The following NAALADL2 variants were observed in gnomAD, a reference collection of about 807,000 sequenced individuals.
NAALADL2 encodes N-acetylated alpha-linked acidic dipeptidase like 2, also known as inactive N-acetylated-alpha-linked acidic dipeptidase-like protein 2.
NAALADL2 carries 76 observed loss-of-function variants against 87.2 expected under a neutral mutation model. The observed-to-expected ratio is 0.87, with a 90% confidence interval of 0.72 to 1.05. The LOEUF (loss-of-function observed/expected upper bound fraction) is 1.05, where lower values mean the gene tolerates loss of function less well. Ranked by LOEUF, NAALADL2 falls within the 50% of genes least tolerant of loss-of-function variation. NAALADL2 has a pLI of 0.00. For missense variants in NAALADL2, 1,089 were observed against 945.8 expected (o/e 1.15, Z -1.99); for synonymous variants, 354 against 331.0 (o/e 1.07, Z -0.75).
intron 1 of NAALADL2, among the ~76,000 whole-genome samples, chr3:174,487,487 G>C (rs1717925990): frequency 6.6e-6 from 1 of 151,976 alleles, no homozygotes; most frequent in South Asian, 2.1e-4. Context: ...CACAAACCTA[G>C]AATACTTTGA....
chr3:175,123,175 A>G (rs1726400111), intron 2 of NAALADL2, among the ~76,000 whole-genome samples: 1 of 151,970 alleles, frequency 6.6e-6, no homozygotes, highest in South Asian at 2.1e-4. Flanking sequence ...TTTAAAAATT[A>G]CCTTTAAAAT....
At position 175,737,322 on chromosome 3, in the gene NAALADL2, T is replaced by C. The variant is rs761608108; in HGVS notation, c.1913T>C (p.Ile638Thr). The C allele has an allele frequency of 6.2e-7, 1 of 1,607,900 alleles. No individual in the cohort carries two copies. Among genetic ancestry groups the C allele is most frequent in the Non-Finnish European group, 8.5e-7 (1 of 1,174,592 alleles). ...ETITKLSGEVILQIANEPVLP... is the reference protein window; with the variant it reads ...ETITKLSGEVTLQIANEPVLP... ...TTCTTTCAGCTCTCAGGAGAAGTGA[T>C]TTTGCAAATTGCCAACGAACCTGTT... is the stretch of plus-strand genomic sequence containing the variant. Residue 638 changes from isoleucine (I) to threonine (T), a missense_variant, in exon 12 of 14, where the codon ATT becomes ACT. Physicochemically the swap from Ile to Thr is moderately conservative, Grantham distance 89. Transcript: ENST00000454872.
chr3:175,744,204 A>G (rs1035585030), intron 12 of NAALADL2, among the ~76,000 whole-genome samples: 1 of 152,216 alleles, frequency 6.6e-6, no homozygotes, highest in African/African-American at 2.4e-5. Context: ...CACAGGAGGA[A>G]CAAAACAAAA....
At position 175,473,567 on chromosome 3, in the gene NAALADL2, TTAA is replaced by T. The variant is rs892310403; in HGVS notation, c.1653+1812_1653+1814del. ...ATTTTATGGAATGAATATAAATAAC[TTAA>T]TATATATTCTCATACAAAAATTTAA... On this transcript the variant is annotated intron_variant, in intron 9 of 13. Coordinates refer to ENST00000454872, the MANE Select transcript of NAALADL2 (RefSeq NM_207015.3). Among the ~76,000 whole-genome samples, 1,317 of 151,740 alleles carry T rather than the reference TTAA, an allele frequency of 8.7e-3. 9 individuals are homozygous for T. The highest frequency in any genetic ancestry group is 0.025 in the African/African-American group (1,018 of 41,464).
intron 1 of NAALADL2, among the ~76,000 whole-genome samples, chr3:175,065,374 T>C (rs914369497): frequency 1.3e-5 from 2 of 152,214 alleles, no homozygotes; most frequent in Admixed American, 6.5e-5. Context: ...TAATGCCTAT[T>C]ATTAGATTCT....
intron 2 of NAALADL2, among the ~76,000 whole-genome samples, chr3:174,733,555 T>C (rs1040908983): frequency 6.6e-6 from 1 of 152,208 alleles, no homozygotes; most frequent in African/African-American, 2.4e-5. Context: ...TTCTTGTGAT[T>C]TGTAGCTTGA....
chr3:175,136,340 C>T (rs1729112852), intron 2 of NAALADL2, among the ~76,000 whole-genome samples: 1 of 152,164 alleles, frequency 6.6e-6, no homozygotes, highest in Non-Finnish European at 1.5e-5. Context: ...TATTTGGTGT[C>T]ACTGTGTCTA....
chr3:175,578,637 G>A (rs6788818), intron 10 of NAALADL2, among the ~76,000 whole-genome samples: 139,943 of 152,238 alleles, frequency 0.92, 64,396 homozygotes, highest in Admixed American at 0.96. Flanking sequence ...TTCCAAGGTC[G>A]TAAAGATTAA....
intron 13 of NAALADL2, among the ~76,000 whole-genome samples, chr3:175,792,066 T>A (rs1232881269): frequency 2.0e-5 from 3 of 152,190 alleles, no homozygotes; most frequent in Non-Finnish European, 4.4e-5. Flanking sequence ...TTTTACTTTT[T>A]AAAAAATTGT....
chr3:175,386,189 G>A (rs928715200), intron 5 of NAALADL2, among the ~76,000 whole-genome samples: 1 of 151,178 alleles, frequency 6.6e-6, no homozygotes, highest in African/African-American at 2.4e-5. Context: ...ATACAAACAA[G>A]GTAGGTTTAC....
chr3:174,470,630 A>G (rs1035660639), intron 1 of NAALADL2, among the ~76,000 whole-genome samples: 6 of 152,078 alleles, frequency 3.9e-5, no homozygotes, highest in East Asian at 3.9e-4. Flanking sequence ...TAAGTCTCTA[A>G]TCCTTCCTCA....
At chr3:175,455,156 G>A (rs1722141333) in intron 6 of NAALADL2, among the ~76,000 whole-genome samples, 1 of 151,996 alleles carries the variant, frequency 6.6e-6, no homozygotes, top group South Asian at 2.1e-4. Flanking sequence ...CAGCCAGGGA[G>A]GGTACTGGAA....
chr3:174,711,724 G>T (rs1730650657), intron 2 of NAALADL2, among the ~76,000 whole-genome samples: 1 of 152,090 alleles, frequency 6.6e-6, no homozygotes, highest in Non-Finnish European at 1.5e-5. Context: ...GGATTCTCAG[G>T]CTAATATTCT....
chr3:175,801,105 G>A lies in NAALADL2; in HGVS notation c.2190-1900G>A, dbSNP rs576794102. 6.6e-5 allele frequency among the ~76,000 whole-genome samples: 10 copies of A among 152,194 alleles called. No homozygotes were observed. In the East Asian group the frequency reaches 1.7e-3, roughly 26 times the overall value. On this transcript the variant is annotated intron_variant, in intron 13 of 13. Transcript: ENST00000454872. Reference sequence around the variant, plus strand: ...AAGTTGATGCTGGTGCTAGAGAAAAGTATAAATTAATAAATTTTGTGCTGT... The same window carrying A: ...AAGTTGATGCTGGTGCTAGAGAAAAATATAAATTAATAAATTTTGTGCTGT...
intron 2 of NAALADL2, among the ~76,000 whole-genome samples, chr3:174,600,577 A>G (rs1386913277): frequency 1.3e-5 from 2 of 152,116 alleles, no homozygotes; most frequent in African/African-American, 4.8e-5. Context: ...CGGTAAGTGC[A>G]TTAGTCTGTT....
chr3:174,585,427 G>A lies in NAALADL2; in HGVS notation c.-115+34790G>A, dbSNP rs1716596170. 2.0e-5 allele frequency among the ~76,000 whole-genome samples: 3 copies of A among 152,238 alleles called. No homozygotes were observed. The South Asian group carries it at 6.2e-4, about 32-fold the overall frequency. On this transcript the variant is annotated intron_variant, in intron 2 of 3. Coordinates refer to the NAALADL2 transcript ENST00000434257. Reference sequence around the variant, plus strand: ...ATCAGTAACATGACTTCACATGGACGAGAGCAAGAGAACAATGTTGATGGA... The same window carrying A: ...ATCAGTAACATGACTTCACATGGACAAGAGCAAGAGAACAATGTTGATGGA...
At chr3:174,604,745 T>C (rs1233932409) in intron 2 of NAALADL2, among the ~76,000 whole-genome samples, 1 of 151,840 alleles carries the variant, frequency 6.6e-6, no homozygotes, top group East Asian at 1.9e-4. Flanking sequence ...CCACTGTATG[T>C]TTTGTTCTTT....
At chr3:175,307,194 CA>C (rs1172487324) in intron 4 of NAALADL2, among the ~76,000 whole-genome samples, 10 of 151,576 alleles carry the variant, frequency 6.6e-5, no homozygotes, top group African/African-American at 2.4e-4. Flanking sequence ...AAAAAATATA[CA>C]AATAAGAAAA....
At chr3:175,746,315 GT>G (rs397765614) in intron 12 of NAALADL2, among the ~76,000 whole-genome samples, 3,042 of 123,344 alleles carry the variant, frequency 0.025, 103 homozygotes, top group African/African-American at 0.077. Flanking sequence ...CACTTGGTTT[GT>G]TTTTTTTTTT....
Sources: gnomAD v4.1 joint callset for allele counts (sites outside exome capture counted in the v4.1 genomes callset) on GRCh38, gnomAD v4.1.1 for gene constraint, MANE v1.5 for transcripts, NCBI Gene and HGNC (gene_info 2026-07-23, HGNC 2026-07-21) for gene names.